The following POFUT3 variants were observed in gnomAD, a reference collection of about 807,000 sequenced individuals.
POFUT3 encodes GDP-fucose protein O-fucosyltransferase 3.
chr8:33,361,824 G>A, the POFUT3 span, among the ~76,000 whole-genome samples: 1 of 151,836 alleles, frequency 6.6e-6, no homozygotes, highest in Non-Finnish European at 1.5e-5. Context: ...TTTTTTCCGT[G>A]TTTCCCAATT....
the POFUT3 span, among the ~76,000 whole-genome samples, chr8:33,378,979 A>G: frequency 5.3e-5 from 8 of 151,858 alleles, no homozygotes; most frequent in Admixed American, 3.9e-4. Context: ...AACTGGTGGG[A>G]AGTGATTGGA....
At chr8:33,390,235 G>C in the POFUT3 span, among the ~76,000 whole-genome samples, 1 of 151,786 alleles carries the variant, frequency 6.6e-6, no homozygotes, top group Non-Finnish European at 1.5e-5. Context: ...CATGAAGCAT[G>C]TTACAGTGTC....
chr8:33,380,096 T>C, the POFUT3 span, among the ~76,000 whole-genome samples: 8 of 64,674 alleles, frequency 1.2e-4, 1 homozygote, highest in Non-Finnish European at 1.7e-4. Flanking sequence ...ACTATATATA[T>C]ACACTATATA....
the POFUT3 span, among the ~76,000 whole-genome samples, chr8:33,436,899 C>A: frequency 1.3e-5 from 2 of 152,138 alleles, no homozygotes; most frequent in African/African-American, 4.8e-5. Context: ...GCTTTTCAAC[C>A]TTTTCCCCCC....
the POFUT3 span, among the ~76,000 whole-genome samples, chr8:33,311,136 T>C: frequency 6.6e-6 from 1 of 152,200 alleles, no homozygotes; most frequent in Admixed American, 6.6e-5. Flanking sequence ...CTCCTTGCTT[T>C]ATTTGCTATT....
the POFUT3 span, among the ~76,000 whole-genome samples, chr8:33,462,014 G>A: frequency 6.6e-6 from 1 of 150,780 alleles, no homozygotes; most frequent in Non-Finnish European, 1.5e-5. Context: ...ACCAAAATTA[G>A]TTGGGCGTGG....
the POFUT3 span, among the ~76,000 whole-genome samples, chr8:33,440,802 C>T: frequency 6.6e-6 from 1 of 152,154 alleles, no homozygotes; most frequent in East Asian, 1.9e-4. Flanking sequence ...TCTGAGGGGT[C>T]ATTTTTTTCA....
the POFUT3 span, among the ~76,000 whole-genome samples, chr8:33,441,156 C>A: frequency 6.6e-6 from 1 of 151,658 alleles, no homozygotes. Context: ...CATGGTGAAA[C>A]CCCATCTCTA....
chr8:33,429,720 G>C, the POFUT3 span, among the ~76,000 whole-genome samples: 13 of 152,158 alleles, frequency 8.5e-5, no homozygotes, highest in South Asian at 1.5e-3. Context: ...AATGGGCCAG[G>C]CATGGTGACT....
chr8:33,333,045 C>T, the POFUT3 span, among the ~76,000 whole-genome samples: 2 of 152,272 alleles, frequency 1.3e-5, no homozygotes, highest in Admixed American at 1.3e-4. Flanking sequence ...CAAGATAGAT[C>T]AGCTATTTTC....
At chr8:33,360,163 G>A in the POFUT3 span, among the ~76,000 whole-genome samples, 33,261 of 151,706 alleles carry the variant, frequency 0.22, 4,107 homozygotes, top group South Asian at 0.51. Context: ...ATCAGTAACC[G>A]GCCAGATGTG....
the POFUT3 span, among the ~76,000 whole-genome samples, chr8:33,423,457 A>G: frequency 6.6e-6 from 1 of 151,886 alleles, no homozygotes. Flanking sequence ...TATTGTAGAA[A>G]TAGGGTCTCA....
chr8:33,450,348 G>A, the POFUT3 span, among the ~76,000 whole-genome samples: 1 of 152,180 alleles, frequency 6.6e-6, no homozygotes, highest in Admixed American at 6.5e-5. Flanking sequence ...ATTTGCCCCT[G>A]CATTACAGTT....
the POFUT3 span, among the ~76,000 whole-genome samples, chr8:33,381,423 T>G: frequency 6.6e-6 from 1 of 152,204 alleles, no homozygotes; most frequent in Non-Finnish European, 1.5e-5. Context: ...AAGAAAAATT[T>G]TGACCTAAGG....
the POFUT3 span, among the ~76,000 whole-genome samples, chr8:33,404,928 C>A: frequency 2.6e-5 from 4 of 152,156 alleles, no homozygotes; most frequent in Middle Eastern, 3.4e-3. Context: ...GTAGATGAGA[C>A]CTTTCCTGCT....
At chr8:33,470,514 T>G in the POFUT3 span, among the ~76,000 whole-genome samples, 7 of 152,190 alleles carry the variant, frequency 4.6e-5, no homozygotes, top group East Asian at 1.3e-3. Context: ...AGAGCAGGGA[T>G]TCTTTTTCAT....
At chr8:33,399,855 T>C in the POFUT3 span, among the ~76,000 whole-genome samples, 1 of 151,786 alleles carries the variant, frequency 6.6e-6, no homozygotes, top group Non-Finnish European at 1.5e-5. Flanking sequence ...GGTTTCACCA[T>C]GTTCGTCAGG....
chr8:33,448,105 C>T, the POFUT3 span, among the ~76,000 whole-genome samples: 5 of 151,954 alleles, frequency 3.3e-5, no homozygotes, highest in Non-Finnish European at 5.9e-5. Context: ...TTTGGGAGGG[C>T]GAGGCAGAGA....
At chr8:33,335,335 C>CA in the POFUT3 span, among the ~76,000 whole-genome samples, 2 of 152,114 alleles carry the variant, frequency 1.3e-5, no homozygotes, top group Non-Finnish European at 2.9e-5. Context: ...CCCATAATTG[C>CA]AATTCAATCA....
Sources: allele counts gnomAD v4.1 joint callset (sites outside exome capture counted in the v4.1 genomes callset), GRCh38; gene constraint gnomAD v4.1.1; transcripts MANE v1.5; gene names NCBI Gene and HGNC (gene_info 2026-07-23, HGNC 2026-07-21).